Variants in CPA6 observed in about 807,000 individuals in gnomAD.
The protein encoded by CPA6 is carboxypeptidase A6.
In CPA6, 58 loss-of-function variants were observed where a neutral mutation model predicts 63.3. The observed-to-expected ratio is 0.92, with a 90% CI of 0.74 to 1.14. CPA6 has a LOEUF of 1.14. Ranked by LOEUF, CPA6 falls within the 50% of genes most tolerant of loss-of-function variation. The probability of loss-of-function intolerance (pLI) is 0.00; values close to 1 mark genes in which losing one functional copy is unlikely to be tolerated. For synonymous variants in CPA6, 185 were observed against 179.0 expected (o/e 1.03, Z -0.27); for missense variants, 565 against 526.6 (o/e 1.07, Z -0.71).
intron 1 of CPA6, among the ~76,000 whole-genome samples, chr8:67,705,000 G>A (rs1056142484): frequency 6.6e-6 from 1 of 152,104 alleles, no homozygotes; most frequent in Non-Finnish European, 1.5e-5. Flanking sequence ...AGGAGGACAG[G>A]GCTAAAGAGA....
At chr8:67,646,599 A>G (rs1815719228) in intron 1 of CPA6, among the ~76,000 whole-genome samples, 1 of 152,232 alleles carries the variant, frequency 6.6e-6, no homozygotes, top group African/African-American at 2.4e-5. Flanking sequence ...CAATTATAAC[A>G]TCATTTTAGG....
At chr8:67,492,436 G>A (rs1440630445) in intron 6 of CPA6, among the ~76,000 whole-genome samples, 1 of 151,984 alleles carries the variant, frequency 6.6e-6, no homozygotes, top group African/African-American at 2.4e-5. Flanking sequence ...GCTATACAGA[G>A]AGAAGATAAT....
At chr8:67,745,960 C>G (rs1363613188) in intron 1 of CPA6, 54 bp downstream of exon 1, 9 of 1,362,976 alleles carry the variant, frequency 6.6e-6, no homozygotes, top group Non-Finnish European at 9.2e-6. Context: ...TGGAGCAAAC[C>G]AGCCCCCAGA....
At chr8:67,673,381 T>TTA (rs368012210) in intron 1 of CPA6, among the ~76,000 whole-genome samples, 5,633 of 101,452 alleles carry the variant, frequency 0.056, 375 homozygotes, top group African/African-American at 0.18. Context: ...ATTATTATTA[T>TTA]TTATTTATTT....
At chr8:67,709,055 C>A (rs1303126353) in intron 1 of CPA6, among the ~76,000 whole-genome samples, 1 of 152,130 alleles carries the variant, frequency 6.6e-6, no homozygotes, top group Non-Finnish European at 1.5e-5. Flanking sequence ...CAAGCATGCA[C>A]GCTAAGAGGC....
intron 8 of CPA6, among the ~76,000 whole-genome samples, chr8:67,446,100 T>TA (rs778302573): frequency 8.6e-5 from 13 of 151,790 alleles, no homozygotes; most frequent in Non-Finnish European, 1.5e-4. Flanking sequence ...CTGTCTCTAC[T>TA]AAAAAAATAC....
At position 67,450,108 on chromosome 8, in the gene CPA6, G is replaced by A. The variant is rs546201879; in HGVS notation, c.839-15868C>T. On this transcript the variant is annotated intron_variant, in intron 8 of 10. Transcript: ENST00000297770. ...TGGGATTACAGGCATGAGCCACCGC[G>A]CCTGGCCACCCAAGCCATCTCTTTA... 1.1e-4 allele frequency among the ~76,000 whole-genome samples: 17 copies of A among 149,328 alleles called. No homozygotes were observed. In the South Asian group the frequency reaches 1.5e-3, roughly 13 times the overall value.
chr8:67,666,923 C>T (rs962553168), intron 1 of CPA6, among the ~76,000 whole-genome samples: 7 of 152,106 alleles, frequency 4.6e-5, no homozygotes, highest in African/African-American at 1.4e-4. Context: ...TGTCCAGAAT[C>T]GCAAGCCTGG....
chr8:67,552,998 C>T (rs1812984423), intron 2 of CPA6, among the ~76,000 whole-genome samples: 1 of 151,990 alleles, frequency 6.6e-6, no homozygotes, highest in Non-Finnish European at 1.5e-5. Flanking sequence ...ATGCTAATGT[C>T]ACACTCATGA....
At chr8:67,521,001 A>G (rs999541391) in intron 2 of CPA6, among the ~76,000 whole-genome samples, 4 of 152,234 alleles carry the variant, frequency 2.6e-5, no homozygotes, top group African/African-American at 9.6e-5. Flanking sequence ...GTTCCTATCA[A>G]TAGTTTCCTT....
chr8:67,646,339 T>G (rs895050338), intron 1 of CPA6, among the ~76,000 whole-genome samples: 3 of 152,246 alleles, frequency 2.0e-5, no homozygotes, highest in African/African-American at 7.2e-5. Flanking sequence ...GAATTTGATT[T>G]TTGAACCAAG....
At chr8:67,603,921 T>G (rs1814560495) in intron 2 of CPA6, among the ~76,000 whole-genome samples, 7 of 152,172 alleles carry the variant, frequency 4.6e-5, no homozygotes, top group Admixed American at 4.6e-4. Context: ...AGCTTACATC[T>G]TTTTCAAAAA....
chr8:67,670,601 T>C (rs548626135), intron 1 of CPA6, among the ~76,000 whole-genome samples: 2 of 152,308 alleles, frequency 1.3e-5, no homozygotes, highest in East Asian at 3.9e-4. Flanking sequence ...TCCAGTGTTT[T>C]CTAGGACCTG....
intron 1 of CPA6, among the ~76,000 whole-genome samples, chr8:67,659,334 A>C (rs1816057358): frequency 6.6e-6 from 1 of 152,266 alleles, no homozygotes; most frequent in South Asian, 2.1e-4. Flanking sequence ...TGCATACTAC[A>C]GAAATTGCTA....
intron 1 of CPA6, among the ~76,000 whole-genome samples, chr8:67,724,911 C>G (rs1817569113): frequency 6.6e-6 from 1 of 152,176 alleles, no homozygotes; most frequent in Non-Finnish European, 1.5e-5. Flanking sequence ...AGACTCATCC[C>G]CCAATTTTTG....
At chr8:67,693,585 G>A (rs1303777962) in intron 1 of CPA6, among the ~76,000 whole-genome samples, 2 of 152,230 alleles carry the variant, frequency 1.3e-5, no homozygotes, top group African/African-American at 4.8e-5. Flanking sequence ...TGTAAAGGCA[G>A]AGGCCCCACG....
At chr8:67,541,998 T>C (rs1812718612) in intron 2 of CPA6, among the ~76,000 whole-genome samples, 1 of 152,262 alleles carries the variant, frequency 6.6e-6, no homozygotes, top group Non-Finnish European at 1.5e-5. Context: ...GATTATCCAC[T>C]ATGTCCATTT....
At chr8:67,714,603 G>A (rs1347092301) in intron 1 of CPA6, among the ~76,000 whole-genome samples, 1 of 152,178 alleles carries the variant, frequency 6.6e-6, no homozygotes, top group Non-Finnish European at 1.5e-5. Flanking sequence ...GGAAGGTTGA[G>A]GTCGGGGGCT....
intron 1 of CPA6, among the ~76,000 whole-genome samples, chr8:67,701,798 T>C (rs1817030265): frequency 6.6e-6 from 1 of 152,210 alleles, no homozygotes; most frequent in Non-Finnish European, 1.5e-5. Context: ...TTATGAAGTT[T>C]TTCCTGGGAA....
Sources: gnomAD v4.1 joint callset for allele counts (sites outside exome capture counted in the v4.1 genomes callset) on GRCh38, gnomAD v4.1.1 for gene constraint, MANE v1.5 for transcripts, NCBI Gene and HGNC (gene_info 2026-07-23, HGNC 2026-07-21) for gene names.